The following CHD9 variants were observed in gnomAD, a reference collection of about 807,000 sequenced individuals.
CHD9 encodes ATP-dependent chromatin remodeler CHD9.
CHD9 carries 77 observed loss-of-function variants against 316.1 expected under a neutral mutation model. That is an observed-to-expected ratio of 0.24 (90% confidence interval 0.20 to 0.29). The LOEUF (loss-of-function observed/expected upper bound fraction) is 0.29, where lower values mean the gene tolerates loss of function less well. CHD9 is among the 10% of genes least tolerant of loss of function. CHD9 has a pLI of 1.00. For synonymous variants in CHD9, 1,129 were observed against 1,158.3 expected (o/e 0.97, Z 0.51); for missense variants, 2,763 against 3,438.1 (o/e 0.80, Z 4.91).
rs182522587 is a variant in CHD9, at chr16:53,209,267, C to A, written c.1453-215C>A. Among the ~76,000 whole-genome samples, 74 of 152,252 alleles carry A rather than the reference C, an allele frequency of 4.9e-4. No homozygotes were observed. The Middle Eastern group carries it at 0.01, about 21-fold the overall frequency. On this transcript the variant is annotated intron_variant, in intron 2 of 38. Transcript: ENST00000447540. ...AAAATATCAATGAATCTATATTATT[C>A]TTCTTTAACCTTCATTTTTAAAAGT...
intron 1 of CHD9, among the ~76,000 whole-genome samples, chr16:53,139,765 C>T (rs1171763099): frequency 6.6e-6 from 1 of 152,136 alleles, no homozygotes; most frequent in African/African-American, 2.4e-5. Flanking sequence ...TGACAATCAA[C>T]CTGTCTCAGT....
intron 1 of CHD9, among the ~76,000 whole-genome samples, chr16:53,130,692 G>A (rs2039198202): frequency 6.6e-6 from 1 of 151,428 alleles, no homozygotes; most frequent in Non-Finnish European, 1.5e-5. Flanking sequence ...GGGCCATGTT[G>A]GAGCGGAGCA....
chr16:53,159,407 TTA>T (rs2041755482), intron 2 of CHD9, among the ~76,000 whole-genome samples: 1 of 152,206 alleles, frequency 6.6e-6, no homozygotes, highest in Non-Finnish European at 1.5e-5. Context: ...ATGTAATATT[TTA>T]TGTTTTTAAA....
At chr16:53,066,071 A>C (rs989465697) in intron 1 of CHD9, among the ~76,000 whole-genome samples, 4 of 152,104 alleles carry the variant, frequency 2.6e-5, no homozygotes, top group African/African-American at 9.7e-5. Context: ...ATCAACAGGC[A>C]ATTTGCTGGG....
intron 3 of CHD9, among the ~76,000 whole-genome samples, 179 bp downstream of exon 3, chr16:53,209,992 A>G (rs1219172121): frequency 1.3e-5 from 2 of 152,136 alleles, no homozygotes; most frequent in African/African-American, 4.8e-5. Context: ...GGATCTCCCA[A>G]ATTTTATGGT....
At chr16:53,065,739 C>T (rs1308110513) in intron 1 of CHD9, among the ~76,000 whole-genome samples, 1 of 151,686 alleles carries the variant, frequency 6.6e-6, no homozygotes, top group Non-Finnish European at 1.5e-5. Flanking sequence ...GTTTCCACTA[C>T]TCTGGACAAT....
rs117481636 is a variant in CHD9, at chr16:53,327,211, T to G, written c.*2316T>G. 9.2e-3 allele frequency: 1,402 copies of G among 152,612 alleles called. 13 individuals carry two copies. The highest frequency in any genetic ancestry group is 0.013 in the Non-Finnish European group (916 of 67,954). 9.5% of individuals were successfully genotyped at this position (152,612 alleles called of 1,614,324 possible). A position where few individuals can be genotyped will look rare whatever the true frequency, so the allele number is the denominator to read the frequency against. ...AATTACATAATACTAAAGTTGCAGT[T>G]GAAAGAATATCCAAGTATGTGTTGG... On this transcript the variant is annotated 3_prime_UTR_variant, in exon 39 of 39. Coordinates refer to ENST00000447540, the MANE Select transcript of CHD9 (RefSeq NM_001308319.2).
rs36134573 is a variant in CHD9, at chr16:53,108,511, TATAGATAGATAGATAG to T, written c.-164-47380_-164-47365del. The stretch of plus-strand genomic sequence containing the variant: ...CAGAGTGAGATCCTGTCTCAAAAAA[TATAGATAGATAGATAG>T]ATAGATAGATAGATAGATAGATAGA... On this transcript the variant is annotated intron_variant, in intron 1 of 38. Coordinates refer to ENST00000447540, the MANE Select transcript of CHD9 (RefSeq NM_001308319.2). 4.7e-3 allele frequency among the ~76,000 whole-genome samples: 689 copies of T among 146,620 alleles called. 1 individual carries two copies. The highest frequency in any genetic ancestry group is 0.01 in the African/African-American group (397 of 39,426).
chr16:53,238,217 A>G (rs750924825), intron 11 of CHD9, 126 bp from the exon 12 acceptor site: 2 of 889,326 alleles, frequency 2.2e-6, no homozygotes, highest in Non-Finnish European at 3.3e-6. Flanking sequence ...CCCTGCACTT[A>G]AGCAACTTTT....
chr16:53,106,393 C>T (rs1472327003), intron 1 of CHD9, among the ~76,000 whole-genome samples: 1 of 152,090 alleles, frequency 6.6e-6, no homozygotes, highest in East Asian at 1.9e-4. Context: ...GTTTGGTGAA[C>T]TCAAAGAAGC....
At chr16:53,166,372 T>C (rs1419873955) in intron 2 of CHD9, among the ~76,000 whole-genome samples, 1 of 152,026 alleles carries the variant, frequency 6.6e-6, no homozygotes, top group African/African-American at 2.4e-5. Context: ...ACCCAGCTAT[T>C]GGTGAGAAAT....
chr16:53,064,711 T>C (rs1032780253), intron 1 of CHD9, among the ~76,000 whole-genome samples: 4 of 152,158 alleles, frequency 2.6e-5, no homozygotes, highest in Non-Finnish European at 5.9e-5. Context: ...CAGTGGCTCA[T>C]GCCTGTAATC....
At position 53,215,416 on chromosome 16, in the gene CHD9, A is replaced by T. The variant is rs2046673989; in HGVS notation, c.1784+5603A>T. Among the ~76,000 whole-genome samples the T allele has an allele frequency of 1.3e-5, 2 of 152,190 alleles. 1 individual carries two copies. Among genetic ancestry groups the T allele is most frequent in the South Asian group, 4.1e-4 (2 of 4,828 alleles). On this transcript the variant is annotated intron_variant, in intron 3 of 38. Coordinates refer to ENST00000447540, the MANE Select transcript of CHD9 (RefSeq NM_001308319.2). ...GCTTATAATACAATGTAACTTTCGC[A>T]TATTTAAGGATTACAGTTTTAACTC...
intron 1 of CHD9, among the ~76,000 whole-genome samples, chr16:53,086,393 G>A (rs1204651097): frequency 6.6e-6 from 1 of 152,212 alleles, no homozygotes; most frequent in Non-Finnish European, 1.5e-5. Context: ...CTTAGGGCAG[G>A]ACTTGAAAGT....
At chr16:53,266,953 A>C (rs559681410) in intron 20 of CHD9, among the ~76,000 whole-genome samples, 2 of 152,332 alleles carry the variant, frequency 1.3e-5, no homozygotes, top group Admixed American at 1.3e-4. Flanking sequence ...TTATTTTAAA[A>C]ATTAAGAACA....
chr16:53,272,877 C>T (rs1463973449), intron 22 of CHD9, among the ~76,000 whole-genome samples: 7 of 151,918 alleles, frequency 4.6e-5, no homozygotes, highest in Non-Finnish European at 8.8e-5. Context: ...TAATAAAAAA[C>T]TAAGTGTTTG....
chr16:53,156,894 C>A lies in CHD9; in HGVS notation c.805C>A (p.Gln269Lys), dbSNP rs1049265423. ...MTSCSVSNSQ[Q>K]FSSHYSFSSN... is the part of the protein sequence containing the mutation. ...TTCTTGTTCTGTCAGTAATTCACAG[C>A]AATTTTCTTCACATTATTCCTTTTC... is the stretch of plus-strand genomic sequence containing the variant. The change falls in exon 2 of 39, where the codon CAA becomes AAA. Residue 269 changes from glutamine (Q) to lysine (K), a missense_variant. Coordinates refer to ENST00000447540, the MANE Select transcript of CHD9 (RefSeq NM_001308319.2). The A allele has an allele frequency of 1.9e-6, 3 of 1,613,424 alleles. No homozygotes were observed. In the African/African-American group the frequency reaches 4.0e-5, roughly 22 times the overall value.
intron 2 of CHD9, among the ~76,000 whole-genome samples, chr16:53,172,531 A>AT (rs1309755349): frequency 2.0e-5 from 3 of 152,158 alleles, no homozygotes; most frequent in Non-Finnish European, 1.5e-5. Flanking sequence ...CATTGGGTAA[A>AT]TACCTGGCAA....
chr16:53,244,000 TG>T (rs1435824381), intron 13 of CHD9, among the ~76,000 whole-genome samples: 2 of 152,202 alleles, frequency 1.3e-5, no homozygotes, highest in South Asian at 4.1e-4. Context: ...TTTATCTTTC[TG>T]GGCCATTTGC....
Sources: allele counts gnomAD v4.1 joint callset (sites outside exome capture counted in the v4.1 genomes callset), GRCh38; gene constraint gnomAD v4.1.1; transcripts MANE v1.5; gene names NCBI Gene and HGNC (gene_info 2026-07-23, HGNC 2026-07-21).